PUS7L: variants seen among roughly 807,000 people sequenced by gnomAD.
PUS7L encodes the protein pseudouridine synthase 7 like.
A neutral mutation model predicts 51.1 loss-of-function variants in PUS7L; 49 were observed. That is an observed-to-expected ratio of 0.96 (90% CI 0.76 to 1.22). The LOEUF (loss-of-function observed/expected upper bound fraction) is 1.22. Among genes scored for constraint, PUS7L ranks in the 50% most tolerant of loss-of-function variants. The pLI is 0.00. For missense variants in PUS7L, 828 were observed against 820.6 expected, an observed-to-expected ratio of 1.01 and a Z score of -0.11; for synonymous variants, 277 against 276.2, an observed-to-expected ratio of 1.00 and a Z score of -0.03.
rs28477166 is a variant in PUS7L, at chr12:43,754,998, C to A, written c.248G>T (p.Gly83Val). Reference sequence around the variant, plus strand: ...CAAAGTATGAACTTCTTGGTTTCTTCCATCTTCTAAGGACAGATTTTGAAG... The same window carrying A: ...CAAAGTATGAACTTCTTGGTTTCTTACATCTTCTAAGGACAGATTTTGAAG... ...LDLQNLSLED[G>V]RNQEVHTLIK... The change falls in exon 2 of 9, where the codon GGA (glycine) becomes GTA (valine). Residue 83 changes from glycine to valine, a missense_variant. Transcript: ENST00000344862. 1.7e-3 allele frequency: 2,810 copies of A among 1,613,046 alleles called. 41 individuals carry two copies. In the African/African-American group the frequency reaches 0.032, roughly 18 times the overall value.
chr12:43,753,937 A>C (rs973493429), intron 2 of PUS7L, among the ~76,000 whole-genome samples: 2 of 152,142 alleles, frequency 1.3e-5, no homozygotes, highest in Admixed American at 1.3e-4. Flanking sequence ...CACTTTCCCA[A>C]GCACAGTAAA....
Position 43,748,594 on chromosome 12 carries a change from T to C in PUS7L, c.926A>G (p.Lys309Arg). 3 of 1,585,482 alleles carry C rather than the reference T, an allele frequency of 1.9e-6. No individual in the cohort carries two copies. The highest frequency in any genetic ancestry group is 2.6e-6 in the Non-Finnish European group (3 of 1,172,978). ...CGCTTCAAACATTTCCAGGTTTTCC[T>C]TTCGTAGGGTAAAAGCTGAAACAAA... ...KVIYTAFTLRKENLEMFEAIG... is the reference protein window; with the variant it reads ...KVIYTAFTLRRENLEMFEAIG... The change falls in exon 3 of 9, where the codon AAG becomes AGG. Residue 309 changes from lysine (K) to arginine (R), a missense_variant. Coordinates refer to ENST00000344862, the MANE Select transcript of PUS7L (RefSeq NM_031292.5).
chr12:43,754,279 C>T (rs1784120471), intron 2 of PUS7L, 57 bp downstream of exon 2: 1 of 1,216,484 alleles, frequency 8.2e-7, no homozygotes, highest in Admixed American at 2.3e-5. Context: ...TTCATTTTCA[C>T]AATTTTAAAT....
Position 43,754,687 on chromosome 12 carries a change from C to T in PUS7L, c.559G>A (p.Val187Ile), listed in dbSNP as rs915650836. 6 of 1,613,614 alleles carry T rather than the reference C, an allele frequency of 3.7e-6. No homozygotes were observed. The highest frequency in any genetic ancestry group is 4.5e-5 in the East Asian group (2 of 44,872). ...SAIRQKFPFLVTVGKNSEIVV... is the reference protein window; with the variant it reads ...SAIRQKFPFLITVGKNSEIVV... ...ATTTCACTGTTTTTTCCTACAGTTA[C>T]TAAAAATGGAAATTTCTGCCTAATG... Residue 187 changes from valine to isoleucine, a missense_variant, in exon 2 of 9, where the codon GTA becomes ATA. Physicochemically the swap from Val to Ile is conservative, Grantham distance 29. Coordinates refer to ENST00000344862, the MANE Select transcript of PUS7L (RefSeq NM_031292.5).
chr12:43,731,240 C>T (rs113342366), intron 8 of PUS7L, among the ~76,000 whole-genome samples: 467 of 152,010 alleles, frequency 3.1e-3, no homozygotes, highest in Non-Finnish European at 5.2e-3. Flanking sequence ...TTGAACAGCA[C>T]CAAAAGGTAG....
intron 7 of PUS7L, 107 bp downstream of exon 7, chr12:43,736,274 A>C: frequency 1.1e-6 from 1 of 946,516 alleles, no homozygotes; most frequent in African/African-American, 1.7e-5. Context: ...CAAATAGATA[A>C]ATAAATTACA....
chr12:43,749,959 G>C (rs1234509234), intron 2 of PUS7L, among the ~76,000 whole-genome samples: 4 of 152,114 alleles, frequency 2.6e-5, no homozygotes, highest in African/African-American at 9.7e-5. Flanking sequence ...CACTACCTGG[G>C]TGATGGGTTC....
rs1370691318 is a variant in PUS7L at position 43,729,072 on chromosome 12, A to G, written c.*1304T>C. The G allele has an allele frequency of 2.6e-6, 1 of 389,946 alleles. No individual in the cohort carries two copies. The highest frequency in any genetic ancestry group is 3.6e-5 in the East Asian group (1 of 27,634). The allele number at this position is 389,946 out of a possible 1,614,324, so 24.2% of individuals were successfully genotyped here. On this transcript the variant is annotated 3_prime_UTR_variant, in exon 9 of 9. Coordinates refer to ENST00000344862, the MANE Select transcript of PUS7L (RefSeq NM_031292.5). ...ATGTGTTCTACTTTTAGGGGGCAACATTTTCTCATGAAACTAAATTGTTCA... is the reference window on the plus strand; with the variant it reads ...ATGTGTTCTACTTTTAGGGGGCAACGTTTTCTCATGAAACTAAATTGTTCA...
chr12:43,723,961 T>G lies in PUS7L; in HGVS notation c.*6415A>C, dbSNP rs1210564033. 2 of 152,066 alleles carry G rather than the reference T, an allele frequency of 1.3e-5. No individual in the cohort carries two copies. The highest frequency in any genetic ancestry group is 1.3e-4 in the Admixed American group (2 of 15,280). The allele number at this position is 152,066 out of a possible 1,614,324, so 9.4% of individuals were successfully genotyped here. ...CATAACCCATTAATTCCCTTAAATTTCCCTCTTTGATCTTTATGCAATCTT... is the reference window on the plus strand; with the variant it reads ...CATAACCCATTAATTCCCTTAAATTGCCCTCTTTGATCTTTATGCAATCTT... On this transcript the variant is annotated 3_prime_UTR_variant, in exon 9 of 9. Coordinates refer to ENST00000344862, the MANE Select transcript of PUS7L (RefSeq NM_031292.5).
intron 6 of PUS7L, 118 bp from the exon 7 acceptor site, chr12:43,736,779 C>T (rs1182682604): frequency 1.2e-6 from 1 of 845,966 alleles, no homozygotes; most frequent in Non-Finnish European, 1.8e-6. Flanking sequence ...TGATATTCAA[C>T]ACTTTCAGTT....
At position 43,729,508 on chromosome 12, in the gene PUS7L, A is replaced by G. The variant is rs1944501967; in HGVS notation, c.*868T>C. 3.5e-6 allele frequency: 1 copy of G among 289,728 alleles called. No homozygotes were observed. The highest frequency in any genetic ancestry group is 1.7e-4 in the South Asian group (1 of 6,056). The allele number at this position is 289,728 out of a possible 1,614,324, so 17.9% of individuals were successfully genotyped here. Reference sequence around the variant, plus strand: ...GGATGATTTATAATGTGGGATAGTTAAACCAACAAAAATTAAAATTTTCAA... The same window carrying G: ...GGATGATTTATAATGTGGGATAGTTGAACCAACAAAAATTAAAATTTTCAA... On this transcript the variant is annotated 3_prime_UTR_variant, in exon 9 of 9. Coordinates refer to ENST00000344862, the MANE Select transcript of PUS7L (RefSeq NM_031292.5).
At chr12:43,740,891 A>G (rs1202517200) in intron 5 of PUS7L, 1 of 152,276 alleles carries the variant, frequency 6.6e-6, no homozygotes, top group African/African-American at 2.4e-5. Context: ...GCCAACAACC[A>G]CGAGCATGAG....
In PUS7L at chr12:43,724,205, T is replaced by A. The variant is rs1944428269; in HGVS notation, c.*6171A>T. 6.6e-6 allele frequency: 1 copy of A among 152,070 alleles called. No individual in the cohort carries two copies. The highest frequency in any genetic ancestry group is 1.5e-5 in the Non-Finnish European group (1 of 67,884). 9.4% of individuals were successfully genotyped at this position (152,070 alleles called of 1,614,324 possible). A position where few individuals can be genotyped will look rare whatever the true frequency, so the allele number is the denominator to read the frequency against. On this transcript the variant is annotated 3_prime_UTR_variant, in exon 9 of 9. Coordinates refer to ENST00000344862, the MANE Select transcript of PUS7L (RefSeq NM_031292.5). ...AAGATTACTCCCAGGTAGAAAACGT[T>A]AAGGAACATTGACCTAGACAGCTCT...
At position 43,730,574 on chromosome 12, in the gene PUS7L, A is replaced by G; in HGVS notation, c.1908T>C (p.Asn636=). The G allele has an allele frequency of 6.2e-7, 1 of 1,613,844 alleles. No homozygotes were observed. Among genetic ancestry groups the G allele is most frequent in the Non-Finnish European group, 8.5e-7 (1 of 1,179,806 alleles). ...CRFKVPTLKL[N]IPGCYRQILK... The stretch of plus-strand genomic sequence containing the variant: ...AAATCTGTCTATAGCAACCTGGTAT[A>G]TTCAGTTTCAGAGTAGGTACTTTAA... Residue 636 remains asparagine (N), a synonymous_variant, in exon 9 of 9, where the codon AAT becomes AAC. Transcript: ENST00000344862.
At chr12:43,738,515 A>C in intron 5 of PUS7L, 124 bp from the exon 6 acceptor site, 1 of 611,242 alleles carries the variant, frequency 1.6e-6, no homozygotes, top group Non-Finnish European at 2.9e-6. Context: ...TGATGCTGCA[A>C]TTTTCTCTTT....
rs1018181234 is a variant in PUS7L at position 43,722,779 on chromosome 12, T to C, written c.*7597A>G. The C allele has an allele frequency of 1.3e-5, 2 of 152,080 alleles. No homozygotes were observed. The highest frequency in any genetic ancestry group is 1.3e-4 in the Admixed American group (2 of 15,272). The allele number at this position is 152,080 out of a possible 1,614,324, so 9.4% of individuals were successfully genotyped here. ...ATGATCAGCTCAGATTAAAACCCTA[T>C]TGTACTGAAAAACTCAGAATCCTGA... On this transcript the variant is annotated 3_prime_UTR_variant, in exon 9 of 9. Transcript: ENST00000344862.
At chr12:43,750,345 T>G (rs898457021) in intron 2 of PUS7L, among the ~76,000 whole-genome samples, 3 of 152,222 alleles carry the variant, frequency 2.0e-5, no homozygotes, top group African/African-American at 7.2e-5. Flanking sequence ...GTTTATGCAC[T>G]TGAATGTTTA....
At chr12:43,746,368 C>A (rs917153793) in intron 3 of PUS7L, 130 bp from the exon 4 acceptor site, 2 of 514,024 alleles carry the variant, frequency 3.9e-6, no homozygotes, top group African/African-American at 2.0e-5. Flanking sequence ...TAAGAATATT[C>A]TAAAGTTAAT....
chr12:43,730,842 T>C (rs1356961939), intron 8 of PUS7L, 140 bp from the exon 9 acceptor site: 1 of 601,834 alleles, frequency 1.7e-6, no homozygotes, highest in African/African-American at 1.9e-5. Context: ...GCCTAAAACA[T>C]GCTTTAAATA....
Sources: allele counts gnomAD v4.1 joint callset (sites outside exome capture counted in the v4.1 genomes callset), GRCh38; gene constraint gnomAD v4.1.1; transcripts MANE v1.5; gene names NCBI Gene and HGNC (gene_info 2026-07-23, HGNC 2026-07-21).